Variants in KSR2 observed in about 807,000 individuals in gnomAD.
The protein encoded by KSR2 is kinase suppressor of ras 2.
Under a neutral mutation model 107.8 loss-of-function variants are expected in KSR2, and 25 were observed. That is an observed-to-expected ratio of 0.23 (90% CI 0.17 to 0.32). KSR2 has a LOEUF of 0.32. KSR2 is among the 10% of genes least tolerant of loss of function. KSR2 has a pLI of 1.00. For synonymous variants in KSR2, 480 were observed against 507.0 expected, an observed-to-expected ratio of 0.95 and a Z score of 0.71; for missense variants, 887 against 1,268.9, an observed-to-expected ratio of 0.70 and a Z score of 4.57.
intron 10 of KSR2, among the ~76,000 whole-genome samples, chr12:117,536,121 T>A (rs1876036122): frequency 6.6e-6 from 1 of 152,196 alleles, no homozygotes; most frequent in Non-Finnish European, 1.5e-5. Context: ...ATGAGTTAAA[T>A]GGCTGGTCAA....
chr12:117,696,461 T>G (rs1886062522), intron 4 of KSR2, among the ~76,000 whole-genome samples: 1 of 152,086 alleles, frequency 6.6e-6, no homozygotes, highest in African/African-American at 2.4e-5. Flanking sequence ...TGTGTTTCAC[T>G]GCACCTTAGA....
chr12:117,593,271 C>A (rs544144235), intron 5 of KSR2, among the ~76,000 whole-genome samples: 1 of 152,234 alleles, frequency 6.6e-6, no homozygotes, highest in South Asian at 2.1e-4. Context: ...ACTGCCATCA[C>A]CACAAATGTC....
intron 14 of KSR2, among the ~76,000 whole-genome samples, chr12:117,522,863 AC>A (rs901801279): frequency 5.3e-5 from 8 of 152,134 alleles, no homozygotes; most frequent in African/African-American, 1.9e-4. Flanking sequence ...AACTACAAGA[AC>A]CCAGCTACTG....
At chr12:117,627,988 C>T (rs564726140) in intron 5 of KSR2, among the ~76,000 whole-genome samples, 3 of 151,576 alleles carry the variant, frequency 2.0e-5, no homozygotes, top group African/African-American at 4.9e-5. Context: ...TCCACTTGAT[C>T]GAATCAGCTA....
chr12:117,771,454 CAT>C (rs765225213), intron 3 of KSR2, among the ~76,000 whole-genome samples: 55 of 152,192 alleles, frequency 3.6e-4, no homozygotes, highest in Non-Finnish European at 7.3e-4. Flanking sequence ...ACCTTGGACA[CAT>C]GTCATCAGGA....
intron 1 of KSR2, among the ~76,000 whole-genome samples, chr12:117,952,087 G>A (rs1896378076): frequency 6.6e-6 from 1 of 151,874 alleles, no homozygotes; most frequent in Non-Finnish European, 1.5e-5. Flanking sequence ...ATACAATGTG[G>A]TGACTATAGT....
In KSR2 at chr12:117,794,357, ACACACCAACATGCACACT is replaced by A. The variant is rs1227316295; in HGVS notation, c.473-32851_473-32834del. On this transcript the variant is annotated intron_variant, in intron 3 of 19. Coordinates refer to ENST00000339824, the MANE Select transcript of KSR2 (RefSeq NM_173598.6). ...CATGCACACTCACACCAACAGGCAC[ACACACCAACATGCACACT>A]CACACCAACATGCACACTCACACCA... Among the ~76,000 whole-genome samples, 17 of 106,948 alleles carry A rather than the reference ACACACCAACATGCACACT, an allele frequency of 1.6e-4. 2 individuals carry two copies. The highest frequency in any genetic ancestry group is 8.7e-4 in the East Asian group (2 of 2,310). The allele number at this position is 106,948 out of a possible 152,430, so 70.2% of individuals were successfully genotyped here. A position where few individuals can be genotyped will look rare whatever the true frequency, so the allele number is the denominator to read the frequency against.
intron 1 of KSR2, among the ~76,000 whole-genome samples, chr12:117,950,746 A>ATAAT (rs1555260894): frequency 9.0e-5 from 5 of 55,550 alleles, no homozygotes; most frequent in African/African-American, 3.3e-4. Context: ...GTAAAAAAAA[A>ATAAT]AAAAATAATA....
chr12:117,550,870 C>A (rs896429723), intron 9 of KSR2, among the ~76,000 whole-genome samples: 1 of 152,154 alleles, frequency 6.6e-6, no homozygotes, highest in Non-Finnish European at 1.5e-5. Context: ...CTGGACTGAG[C>A]TAAAGACCAT....
At chr12:117,697,954 G>A (rs1285878535) in intron 4 of KSR2, among the ~76,000 whole-genome samples, 1 of 152,006 alleles carries the variant, frequency 6.6e-6, no homozygotes, top group African/African-American at 2.4e-5. Flanking sequence ...TATAAAAAGG[G>A]GAAACTTGGA....
At chr12:117,679,305 C>T (rs1373820254) in intron 4 of KSR2, among the ~76,000 whole-genome samples, 4 of 152,196 alleles carry the variant, frequency 2.6e-5, no homozygotes, top group South Asian at 2.1e-4. Context: ...TTAACTCATG[C>T]GGTCCTCACA....
chr12:117,575,927 C>T (rs758385752), intron 7 of KSR2, among the ~76,000 whole-genome samples: 3 of 152,168 alleles, frequency 2.0e-5, no homozygotes, highest in African/African-American at 7.2e-5. Flanking sequence ...TGATGGCACA[C>T]CTCTGCTTAA....
In KSR2 at chr12:117,732,535, C is replaced by T. The variant is rs376041015; in HGVS notation, c.986+28476G>A. ...GAACTCCTAACCTCAAGTGATCCGT[C>T]CACCTCGGCCTTCCAAACTGCTGGG... On this transcript the variant is annotated intron_variant, in intron 4 of 19. Transcript: ENST00000339824. Among the ~76,000 whole-genome samples, 306 of 152,250 alleles carry T rather than the reference C, an allele frequency of 2.0e-3. 4 individuals carry two copies. The South Asian group carries it at 0.022, about 11-fold the overall frequency.
rs564992075 is a variant in KSR2, at chr12:117,907,224, T to C, written c.181-46793A>G. Reference sequence around the variant, plus strand: ...AAGTGACAGCACCAAGATTCACACCTGGTTCTTTCTGACCCAATGTCTAGA... The same window carrying C: ...AAGTGACAGCACCAAGATTCACACCCGGTTCTTTCTGACCCAATGTCTAGA... On this transcript the variant is annotated intron_variant, in intron 1 of 19. Coordinates refer to ENST00000339824, the MANE Select transcript of KSR2 (RefSeq NM_173598.6). This position sits in a 1 kb window ranked among gnomAD's most constrained non-coding sequence, Gnocchi z 4.3. Among the ~76,000 whole-genome samples the C allele has an allele frequency of 2.2e-4, 33 of 152,318 alleles. No individual in the cohort carries two copies. Among genetic ancestry groups the C allele is most frequent in the African/African-American group, 7.9e-4 (33 of 41,574 alleles).
In KSR2 at chr12:117,485,621, T is replaced by C. The variant is rs1387447129; in HGVS notation, c.2290A>G (p.Arg764Gly). The C allele has an allele frequency of 3.1e-6, 5 of 1,613,478 alleles. No homozygotes were observed. The African/African-American group carries it at 5.3e-5, about 17-fold the overall frequency. ...TTCACAATTTCTTGAGCAATCTGCC[T>C]GGTTTTGTTGACATCCAAAACGATT... ...AKIVLDVNKT[R>G]QIAQEIVKGM... Residue 764 changes from arginine to glycine, a missense_variant, in exon 15 of 20, where the codon AGG becomes GGG. This residue lies in a region of KSR2 where 308 missense variants were observed against 506.2 expected (regional missense o/e 0.61). Coordinates refer to ENST00000339824, the MANE Select transcript of KSR2 (RefSeq NM_173598.6).
intron 5 of KSR2, among the ~76,000 whole-genome samples, chr12:117,621,353 T>C (rs957756443): frequency 4.6e-5 from 7 of 152,112 alleles, no homozygotes; most frequent in African/African-American, 1.7e-4. Context: ...TTTACAGCAG[T>C]GTGAAAATGG....
intron 1 of KSR2, among the ~76,000 whole-genome samples, chr12:117,949,870 T>G (rs1896309178): frequency 1.3e-5 from 2 of 152,198 alleles, no homozygotes; most frequent in Admixed American, 1.3e-4. Flanking sequence ...GATCTGTGTG[T>G]TTCACTGTTA....
intron 2 of KSR2, among the ~76,000 whole-genome samples, chr12:117,857,756 C>T (rs1287770632): frequency 6.6e-6 from 1 of 152,200 alleles, no homozygotes; most frequent in African/African-American, 2.4e-5. Context: ...GAGGTTAGAC[C>T]ACTTGCCTAA....
chr12:117,559,938 C>T (rs1365264799), intron 7 of KSR2, among the ~76,000 whole-genome samples: 1 of 152,116 alleles, frequency 6.6e-6, no homozygotes, highest in Non-Finnish European at 1.5e-5. Flanking sequence ...GAGGGTGGCC[C>T]TCAGGCTGCT....
Sources: allele counts gnomAD v4.1 joint callset (sites outside exome capture counted in the v4.1 genomes callset), GRCh38; gene constraint gnomAD v4.1.1; regional missense constraint gnomAD v4.1.1; non-coding constraint Gnocchi (gnomAD v3.1); transcripts MANE v1.5; gene names NCBI Gene and HGNC (gene_info 2026-07-23, HGNC 2026-07-21).